Variants in KIFC3 observed in about 807,000 individuals in gnomAD.
KIFC3 encodes kinesin-like protein KIFC3.
Under a neutral mutation model 101.8 loss-of-function variants are expected in KIFC3, and 60 were observed. The ratio of observed to expected loss-of-function variants is 0.59; its 90% CI spans 0.48 to 0.73. KIFC3 has a LOEUF of 0.73. KIFC3 is among the 30% of genes least tolerant of loss of function. KIFC3 has a pLI of 0.00. For synonymous variants in KIFC3, 476 were observed against 482.7 expected (o/e 0.99, Z 0.18); for missense variants, 966 against 1,137.1 (o/e 0.85, Z 2.16).
intron 1 of KIFC3, among the ~76,000 whole-genome samples, chr16:57,811,979 G>T (rs942627124): frequency 6.6e-6 from 1 of 150,670 alleles, no homozygotes; most frequent in Non-Finnish European, 1.5e-5. Context: ...GGAGTTCAAG[G>T]CTGCAGTGAG....
chr16:57,774,809 G>T, intron 3 of KIFC3: 2 of 1,161,530 alleles, frequency 1.7e-6, no homozygotes, highest in Non-Finnish European at 2.3e-6. Context: ...TTACCGTTGT[G>T]AGCCCCTGCG....
intron 3 of KIFC3, chr16:57,774,739 C>T: frequency 1.8e-6 from 1 of 545,810 alleles, no homozygotes; most frequent in Non-Finnish European, 2.9e-6. Context: ...TTTGCCCAAG[C>T]TGGCCTTGAA....
chr16:57,769,664 A>G lies in KIFC3; in HGVS notation c.1149T>C (p.Asn383=), dbSNP rs1484827464. The G allele has an allele frequency of 1.2e-6, 2 of 1,611,932 alleles. No homozygotes were observed. Among genetic ancestry groups the G allele is most frequent in the Non-Finnish European group, 1.7e-6 (2 of 1,179,996 alleles). The change falls in exon 9 of 20, where the codon AAT becomes AAC. Residue 383 remains asparagine (N), a synonymous_variant. Coordinates refer to ENST00000445690, the MANE Select transcript of KIFC3 (RefSeq NM_001130100.2). The surrounding 1 kb of genome is among the most constrained non-coding windows in gnomAD (Gnocchi z 4.3). ...PALRTLTNDY[N]GLKRQVRGFP... is the part of the protein sequence containing the mutation. Reference sequence around the variant, plus strand: ...AGCCGCGCACCTGCCGCTTGAGCCCATTGTAGTCGTTGGTGAGGGTCCGCA... The same window carrying G: ...AGCCGCGCACCTGCCGCTTGAGCCCGTTGTAGTCGTTGGTGAGGGTCCGCA...
At chr16:57,847,233 A>C in intron 1 of KIFC3, among the ~76,000 whole-genome samples, 1 of 95,056 alleles carries the variant, frequency 1.1e-5, no homozygotes, top group Non-Finnish European at 2.0e-5. Flanking sequence ...GAAGGAAGGA[A>C]GGAAGGAAGG....
chr16:57,809,983 A>C (rs2055028865), intron 1 of KIFC3, among the ~76,000 whole-genome samples: 1 of 152,076 alleles, frequency 6.6e-6, no homozygotes, highest in Non-Finnish European at 1.5e-5. Context: ...GGCTGAGAGC[A>C]CTGACTCAGT....
chr16:57,815,793 ACT>A (rs1309200706), intron 1 of KIFC3: 1 of 503,910 alleles, frequency 2.0e-6, no homozygotes, highest in Non-Finnish European at 3.4e-6. Context: ...ACTTCTTCTG[ACT>A]CTCTACACAC....
At chr16:57,779,368 G>C (rs2052465980) in intron 3 of KIFC3, 1 of 152,222 alleles carries the variant, frequency 6.6e-6, no homozygotes, top group Non-Finnish European at 1.5e-5. Context: ...TACATGAGCA[G>C]TCAAACCCAC....
chr16:57,791,335 G>A (rs948878658), intron 3 of KIFC3, among the ~76,000 whole-genome samples: 1 of 152,260 alleles, frequency 6.6e-6, no homozygotes, highest in Non-Finnish European at 1.5e-5. Flanking sequence ...AAGGACAGCA[G>A]CTGGAAGTTT....
rs2049406563 is a variant in KIFC3 at position 57,758,581 on chromosome 16, G to A, written c.*353C>T. 1 of 669,386 alleles carries A rather than the reference G, an allele frequency of 1.5e-6. No homozygotes were observed. Among genetic ancestry groups the A allele is most frequent in the Non-Finnish European group, 2.7e-6 (1 of 364,176 alleles). The allele number at this position is 669,386 out of a possible 1,614,324, so 41.5% of individuals were successfully genotyped here. A position where few individuals can be genotyped will look rare whatever the true frequency, so the allele number is the denominator to read the frequency against. Reference sequence around the variant, plus strand: ...GCCAGCTCTGCAAGCTGAGGAGAGGGGCCGAGAAAGCCTGGGTGAGAGGCC... The same window carrying A: ...GCCAGCTCTGCAAGCTGAGGAGAGGAGCCGAGAAAGCCTGGGTGAGAGGCC... On this transcript the variant is annotated 3_prime_UTR_variant, in exon 20 of 20. Coordinates refer to ENST00000445690, the MANE Select transcript of KIFC3 (RefSeq NM_001130100.2).
At chr16:57,764,005 T>A (rs577825237) in intron 12 of KIFC3, 138 bp downstream of exon 12, 77 of 678,582 alleles carry the variant, frequency 1.1e-4, no homozygotes, top group Non-Finnish European at 1.8e-4. Flanking sequence ...CTAACACAGA[T>A]AACTACAGCC....
At chr16:57,827,622 C>T (rs1596806158) in intron 1 of KIFC3, among the ~76,000 whole-genome samples, 1 of 152,144 alleles carries the variant, frequency 6.6e-6, no homozygotes, top group East Asian at 1.9e-4. Context: ...GTCCCATGGC[C>T]GTTTTCTGAG....
At chr16:57,845,910 G>A (rs2055908130) in intron 1 of KIFC3, among the ~76,000 whole-genome samples, 1 of 152,162 alleles carries the variant, frequency 6.6e-6, no homozygotes, top group South Asian at 2.1e-4. Context: ...CCTGGGCACT[G>A]GTAGAGTTTA....
intron 3 of KIFC3, among the ~76,000 whole-genome samples, chr16:57,783,036 G>A (rs887877858): frequency 3.9e-5 from 6 of 152,212 alleles, no homozygotes; most frequent in Non-Finnish European, 7.3e-5. Flanking sequence ...GTGGGAGTGG[G>A]GTAAGCTCGG....
chr16:57,856,495 G>A (rs2056170659), intron 1 of KIFC3, among the ~76,000 whole-genome samples: 1 of 144,910 alleles, frequency 6.9e-6, no homozygotes, highest in Non-Finnish European at 1.5e-5. Flanking sequence ...AAGGGAGGGA[G>A]GGAGGGAGGG....
chr16:57,859,289 A>G (rs1038320184), intron 1 of KIFC3, among the ~76,000 whole-genome samples: 2 of 152,238 alleles, frequency 1.3e-5, no homozygotes, highest in Admixed American at 6.5e-5. Flanking sequence ...AAGCCTTTCC[A>G]GAAATGTCTA....
At chr16:57,773,549 C>CG (rs782390442) in intron 3 of KIFC3, among the ~76,000 whole-genome samples, 135 of 152,222 alleles carry the variant, frequency 8.9e-4, no homozygotes, top group Admixed American at 1.5e-3. Flanking sequence ...AGCTGTAATC[C>CG]GGGGGGTTAG....
intron 13 of KIFC3, 108 bp from the exon 14 acceptor site, chr16:57,761,644 C>G: frequency 7.6e-7 from 1 of 1,322,648 alleles, no homozygotes; most frequent in South Asian, 1.3e-5. Context: ...GAAGCCTTCT[C>G]CAGCCATCAG....
chr16:57,770,461 T>C, intron 7 of KIFC3, 66 bp downstream of exon 7: 4 of 1,308,298 alleles, frequency 3.1e-6, no homozygotes, highest in Non-Finnish European at 2.9e-6. Context: ...GTTTAACCGA[T>C]GCATTGGCCC....
intron 3 of KIFC3, among the ~76,000 whole-genome samples, chr16:57,782,821 C>T (rs1176989695): frequency 7.9e-5 from 12 of 152,348 alleles, no homozygotes; most frequent in African/African-American, 2.9e-4. Flanking sequence ...TAGTGAATGC[C>T]TGTAATCCTA....
Sources: allele counts gnomAD v4.1 joint callset (sites outside exome capture counted in the v4.1 genomes callset), GRCh38; gene constraint gnomAD v4.1.1; non-coding constraint Gnocchi (gnomAD v3.1); transcripts MANE v1.5; gene names NCBI Gene and HGNC (gene_info 2026-07-23, HGNC 2026-07-21).